FAM120A: variants seen among roughly 807,000 people sequenced by gnomAD.
The protein encoded by FAM120A is family with sequence similarity 120 member A.
Under a neutral mutation model 109.7 loss-of-function variants are expected in FAM120A, and 15 were observed. The ratio of observed to expected loss-of-function variants is 0.14; its 90% CI spans 0.09 to 0.21. The LOEUF is 0.21. Ranked by LOEUF, FAM120A falls within the 10% of genes least tolerant of loss-of-function variation. The probability of loss-of-function intolerance (pLI) is 1.00; values close to 1 mark genes in which losing one functional copy is unlikely to be tolerated. For missense variants in FAM120A, 899 were observed against 1,439.3 expected (o/e 0.62, Z 6.07); for synonymous variants, 493 against 572.8 (o/e 0.86, Z 1.99).
chr9:93,502,981 G>C (rs1859871812), intron 5 of FAM120A, among the ~76,000 whole-genome samples: 2 of 152,224 alleles, frequency 1.3e-5, no homozygotes, highest in Non-Finnish European at 2.9e-5. Context: ...GATCCCGTGT[G>C]CAGGTGAAAT....
At chr9:93,483,839 C>G (rs1858923717) in intron 3 of FAM120A, among the ~76,000 whole-genome samples, 3 of 152,060 alleles carry the variant, frequency 2.0e-5, no homozygotes, top group Non-Finnish European at 4.4e-5. Context: ...TTGTTATTTG[C>G]TCCTTTTAAT....
intron 5 of FAM120A, among the ~76,000 whole-genome samples, chr9:93,514,544 G>A (rs567790330): frequency 2.6e-5 from 4 of 152,300 alleles, no homozygotes; most frequent in African/African-American, 9.6e-5. Context: ...TTTTCTCTGT[G>A]TCTTCAGCAG....
intron 9 of FAM120A, 136 bp downstream of exon 9, chr9:93,529,716 T>A: frequency 1.3e-6 from 1 of 742,348 alleles, no homozygotes; most frequent in South Asian, 1.5e-5. Context: ...CACTTTCCCC[T>A]TTCTAAACAT....
At chr9:93,540,331 C>T (rs1056497363) in intron 10 of FAM120A, among the ~76,000 whole-genome samples, 3 of 152,218 alleles carry the variant, frequency 2.0e-5, no homozygotes, top group African/African-American at 7.2e-5. Context: ...CTGGAGCAAG[C>T]CTTTGTGTCA....
intron 11 of FAM120A, among the ~76,000 whole-genome samples, chr9:93,544,494 T>G (rs957439657): frequency 1.3e-5 from 2 of 152,254 alleles, no homozygotes; most frequent in African/African-American, 4.8e-5. Flanking sequence ...ATACTGGATG[T>G]TCATTAGGTT....
In FAM120A at chr9:93,451,770, G is replaced by C; in HGVS notation, c.-146G>C. The C allele has an allele frequency of 1.0e-6, 1 of 980,218 alleles. No homozygotes were observed. Among genetic ancestry groups the C allele is most frequent in the Non-Finnish European group, 1.2e-6 (1 of 828,714 alleles). The allele number at this position is 980,218 out of a possible 1,614,324, so 60.7% of individuals were successfully genotyped here. A position where few individuals can be genotyped will look rare whatever the true frequency, so the allele number is the denominator to read the frequency against. ...GGAGGCGGCAGCACATGGCGGCCGCGGCGGCCATGAGCGCGCCCCCGACCC... is the reference window on the plus strand; with the variant it reads ...GGAGGCGGCAGCACATGGCGGCCGCCGCGGCCATGAGCGCGCCCCCGACCC... On this transcript the variant is annotated 5_prime_UTR_variant, in exon 1 of 18. Coordinates refer to ENST00000277165, the MANE Select transcript of FAM120A (RefSeq NM_014612.5).
In FAM120A at chr9:93,500,101, C is replaced by A. The variant is rs961710885; in HGVS notation, c.1030+1215C>A. 1.3e-5 allele frequency among the ~76,000 whole-genome samples: 2 copies of A among 152,244 alleles called. No homozygotes were observed. Among genetic ancestry groups the A allele is most frequent in the Admixed American group, 6.5e-5 (1 of 15,288 alleles). On this transcript the variant is annotated intron_variant, in intron 5 of 17. Transcript: ENST00000277165. The surrounding 1 kb of genome is among the most constrained non-coding windows in gnomAD (Gnocchi z 4.6). The stretch of plus-strand genomic sequence containing the variant: ...GAGGTCAGTAAATGGCAGCAGCCTC[C>A]CAGTGGGGCTCTTTGCTGCTCTCTT...
intron 1 of FAM120A, among the ~76,000 whole-genome samples, chr9:93,467,370 A>T (rs943221383): frequency 2.6e-5 from 4 of 151,306 alleles, no homozygotes; most frequent in African/African-American, 9.7e-5. Flanking sequence ...TTCCTCAGAT[A>T]AAAGCACAAT....
intron 10 of FAM120A, among the ~76,000 whole-genome samples, chr9:93,540,061 C>A: frequency 6.6e-6 from 1 of 152,208 alleles, no homozygotes. Flanking sequence ...CATGTTTAAT[C>A]ATCAGGACTG....
rs2131583344 is a variant in FAM120A, at chr9:93,565,687, T to C, written c.*1147T>C. ...ATGAAATTCTGTGAAAAAAAACCCTTTGATCTTAAAAAAAAAAAAACCACC... is the reference window on the plus strand; with the variant it reads ...ATGAAATTCTGTGAAAAAAAACCCTCTGATCTTAAAAAAAAAAAAACCACC... On this transcript the variant is annotated 3_prime_UTR_variant, in exon 18 of 18. Transcript: ENST00000277165. The C allele has an allele frequency of 6.6e-6, 1 of 151,000 alleles. No individual in the cohort carries two copies. The highest frequency in any genetic ancestry group is 6.6e-5 in the Admixed American group (1 of 15,190). 9.4% of individuals were successfully genotyped at this position (151,000 alleles called of 1,614,324 possible).
Position 93,516,099 on chromosome 9 carries a change from C to A in FAM120A, c.1248C>A (p.Asn416Lys), listed in dbSNP as rs1406937858. The change falls in exon 7 of 18, where the codon AAC becomes AAA. Residue 416 changes from asparagine to lysine, a missense_variant. By Grantham distance (94) the Asn-to-Lys change is moderately conservative. Coordinates refer to ENST00000277165, the MANE Select transcript of FAM120A (RefSeq NM_014612.5). ...GCGGGAAGAATCTGACGGAGCAGAACAGCTACAGCAACATTCCTCACGAAG... is the reference window on the plus strand; with the variant it reads ...GCGGGAAGAATCTGACGGAGCAGAAAAGCTACAGCAACATTCCTCACGAAG... ...DTSGKNLTEQNSYSNIPHEGK... is the reference protein window; with the variant it reads ...DTSGKNLTEQKSYSNIPHEGK... 1 of 1,613,414 alleles carries A rather than the reference C, an allele frequency of 6.2e-7. No homozygotes were observed. The highest frequency in any genetic ancestry group is 1.7e-5 in the Admixed American group (1 of 59,948).
intron 1 of FAM120A, among the ~76,000 whole-genome samples, chr9:93,470,930 A>T (rs542059971): frequency 1.3e-5 from 2 of 152,316 alleles, no homozygotes; most frequent in East Asian, 3.9e-4. Context: ...TAAGTTACTG[A>T]CAGGAGATGA....
At chr9:93,477,335 T>TG (rs534929114) in intron 3 of FAM120A, among the ~76,000 whole-genome samples, 189 of 152,346 alleles carry the variant, frequency 1.2e-3, no homozygotes, top group Non-Finnish European at 3.2e-4. Context: ...GTTTCATCTC[T>TG]GGCATGCTTT....
intron 11 of FAM120A, among the ~76,000 whole-genome samples, chr9:93,547,442 T>C (rs1040528633): frequency 1.3e-5 from 2 of 152,166 alleles, no homozygotes; most frequent in Non-Finnish European, 2.9e-5. Flanking sequence ...CCTGCTTCTC[T>C]CCTTTTGGAG....
At chr9:93,469,765 T>C (rs1240761653) in intron 1 of FAM120A, among the ~76,000 whole-genome samples, 3 of 152,212 alleles carry the variant, frequency 2.0e-5, no homozygotes, top group African/African-American at 7.2e-5. Flanking sequence ...AATGTTTTTA[T>C]GGAAATGTTT....
intron 3 of FAM120A, 24 bp from the exon 4 acceptor site, chr9:93,497,447 T>C (rs1859620307): frequency 6.2e-7 from 1 of 1,611,006 alleles, no homozygotes; most frequent in Non-Finnish European, 8.5e-7. Context: ...CATCCACTGT[T>C]GACACTTACG....
chr9:93,538,469 TAAC>T (rs1861595098), intron 10 of FAM120A, among the ~76,000 whole-genome samples: 1 of 152,192 alleles, frequency 6.6e-6, no homozygotes, highest in South Asian at 2.1e-4. Flanking sequence ...TTTATGGTCA[TAAC>T]AACCCCAGGA....
chr9:93,472,948 A>T (rs1156422545), intron 2 of FAM120A, among the ~76,000 whole-genome samples: 2 of 152,212 alleles, frequency 1.3e-5, no homozygotes. Context: ...ACTTTAAAAG[A>T]TCAGCAAACT....
At chr9:93,513,329 G>A (rs1273160961) in intron 5 of FAM120A, among the ~76,000 whole-genome samples, 2 of 152,230 alleles carry the variant, frequency 1.3e-5, no homozygotes, top group African/African-American at 4.8e-5. Context: ...TGTGCGCCAT[G>A]CATGCACGTG....
Sources: allele counts gnomAD v4.1 joint callset (sites outside exome capture counted in the v4.1 genomes callset), GRCh38; gene constraint gnomAD v4.1.1; non-coding constraint Gnocchi (gnomAD v3.1); transcripts MANE v1.5; gene names NCBI Gene and HGNC (gene_info 2026-07-23, HGNC 2026-07-21).